GRIP1: variants seen among roughly 807,000 people sequenced by gnomAD.
GRIP1 encodes the protein glutamate receptor interacting protein 1.
Under a neutral mutation model 129.9 loss-of-function variants are expected in GRIP1, and 45 were observed. That is an observed-to-expected ratio of 0.35 (90% confidence interval 0.27 to 0.44). The LOEUF (loss-of-function observed/expected upper bound fraction) is 0.44, where lower values mean the gene tolerates loss of function less well. Among genes scored for constraint, GRIP1 ranks in the 20% least tolerant of loss-of-function variants. The pLI is 1.00. For missense variants in GRIP1, 1,196 were observed against 1,396.8 expected (o/e 0.86, Z 2.29); for synonymous variants, 530 against 520.8 (o/e 1.02, Z -0.24).
intron 2 of GRIP1, among the ~76,000 whole-genome samples, chr12:66,590,979 T>C (rs1175268715): frequency 2.6e-5 from 4 of 152,340 alleles, no homozygotes; most frequent in South Asian, 2.1e-4. Context: ...ACCTGCTGAC[T>C]TTTGCTTATT....
At chr12:66,861,783 A>T (rs1411121416) in intron 1 of GRIP1, among the ~76,000 whole-genome samples, 1 of 152,184 alleles carries the variant, frequency 6.6e-6, no homozygotes, top group Non-Finnish European at 1.5e-5. Flanking sequence ...TTCTGAAAAC[A>T]GGCTCCTCTT....
intron 1 of GRIP1, among the ~76,000 whole-genome samples, chr12:66,716,936 A>G (rs1254964509): frequency 6.6e-6 from 1 of 152,066 alleles, no homozygotes; most frequent in East Asian, 1.9e-4. Flanking sequence ...TCCACTCTTC[A>G]TCCTTCTCAT....
chr12:66,804,622 G>A (rs753370267), upstream of GRIP1, among the ~76,000 whole-genome samples: 11 of 152,192 alleles, frequency 7.2e-5, no homozygotes, highest in South Asian at 2.1e-4. Context: ...TCATCGGGGC[G>A]GGGGTATAGG....
intron 24 of GRIP1, among the ~76,000 whole-genome samples, chr12:66,352,310 A>G (rs2054268315): frequency 6.6e-6 from 1 of 152,182 alleles, no homozygotes; most frequent in Non-Finnish European, 1.5e-5. Flanking sequence ...CCTGAAGTAG[A>G]GGAAGGAGCA....
chr12:66,694,741 A>G (rs143475309), intron 1 of GRIP1, among the ~76,000 whole-genome samples: 112 of 152,310 alleles, frequency 7.4e-4, no homozygotes, highest in African/African-American at 2.5e-3. Context: ...TAGTACACTG[A>G]CATCCTGGTT....
chr12:66,755,081 A>T (rs996168127), intron 1 of GRIP1, among the ~76,000 whole-genome samples: 8 of 152,222 alleles, frequency 5.3e-5, no homozygotes, highest in African/African-American at 1.2e-4. Context: ...AACAAAAGAA[A>T]GTGGGCCAAA....
chr12:66,614,514 A>G (rs1376248843), intron 1 of GRIP1, among the ~76,000 whole-genome samples: 1 of 151,794 alleles, frequency 6.6e-6, no homozygotes, highest in East Asian at 1.9e-4. Context: ...CCTTCTCACC[A>G]CTTACACTGT....
At chr12:66,723,296 C>T (rs553935874) in intron 1 of GRIP1, among the ~76,000 whole-genome samples, 21 of 22,064 alleles carry the variant, frequency 9.5e-4, no homozygotes, top group South Asian at 1.8e-3. Flanking sequence ...TTCTTTCTTT[C>T]TTTCTTTCTT....
chr12:66,669,723 A>G (rs527894065), intron 1 of GRIP1, among the ~76,000 whole-genome samples: 8 of 152,226 alleles, frequency 5.3e-5, no homozygotes, highest in African/African-American at 1.9e-4. Context: ...TCTGGTGTAA[A>G]TACTCCCACT....
At chr12:66,991,786 A>G (rs2042398612) in intron 1 of GRIP1, among the ~76,000 whole-genome samples, 1 of 152,244 alleles carries the variant, frequency 6.6e-6, no homozygotes, top group African/African-American at 2.4e-5. Flanking sequence ...TTTAATCAAT[A>G]GTAAACTATA....
intron 1 of GRIP1, chr12:66,626,658 G>T (rs1342520314): frequency 6.6e-6 from 1 of 152,482 alleles, no homozygotes; most frequent in Non-Finnish European, 1.5e-5. Context: ...CTTATGTTCT[G>T]TTCCCATCCC....
chr12:66,820,281 G>A (rs1566038487), intron 1 of GRIP1, among the ~76,000 whole-genome samples: 1 of 152,128 alleles, frequency 6.6e-6, no homozygotes, highest in African/African-American at 2.4e-5. Flanking sequence ...TTAGAGAAAT[G>A]CAAATTAAAA....
intron 7 of GRIP1, among the ~76,000 whole-genome samples, chr12:66,470,217 AG>A (rs2059399422): frequency 6.6e-6 from 1 of 152,186 alleles, no homozygotes; most frequent in Non-Finnish European, 1.5e-5. Flanking sequence ...CTGGTAATGG[AG>A]TACAGGTTCT....
intron 1 of GRIP1, among the ~76,000 whole-genome samples, chr12:66,856,392 A>G (rs1287291760): frequency 2.6e-5 from 4 of 152,182 alleles, no homozygotes; most frequent in Non-Finnish European, 4.4e-5. Flanking sequence ...TAAACTAAAG[A>G]GCTTCTGCAC....
At chr12:66,642,996 G>A (rs923453617) in intron 1 of GRIP1, among the ~76,000 whole-genome samples, 12 of 152,032 alleles carry the variant, frequency 7.9e-5, no homozygotes, top group Non-Finnish European at 1.6e-4. Flanking sequence ...ATTTAAATAC[G>A]CAAAACAAAG....
chr12:66,395,160 G>A (rs2056742153), intron 16 of GRIP1, among the ~76,000 whole-genome samples: 1 of 152,202 alleles, frequency 6.6e-6, no homozygotes, highest in Admixed American at 6.5e-5. Flanking sequence ...AAGATATCAT[G>A]GGCCGCCTTC....
intron 23 of GRIP1, among the ~76,000 whole-genome samples, chr12:66,358,100 G>A (rs2054578653): frequency 6.6e-6 from 1 of 152,188 alleles, no homozygotes. Flanking sequence ...TGCCACATTG[G>A]CCAGGCTGGT....
chr12:66,404,082 A>G (rs1592778243), intron 16 of GRIP1, among the ~76,000 whole-genome samples: 1 of 152,226 alleles, frequency 6.6e-6, no homozygotes, highest in Non-Finnish European at 1.5e-5. Flanking sequence ...TTTGAAATCA[A>G]TCCCCAAAAG....
intron 4 of GRIP1, among the ~76,000 whole-genome samples, chr12:66,536,457 A>T (rs1043689357): frequency 1.3e-5 from 2 of 152,092 alleles, no homozygotes; most frequent in African/African-American, 4.8e-5. Flanking sequence ...GTCCTCCTTA[A>T]TGTTTCTATA....
Sources: gnomAD v4.1 joint callset for allele counts (sites outside exome capture counted in the v4.1 genomes callset) on GRCh38, gnomAD v4.1.1 for gene constraint, MANE v1.5 for transcripts, NCBI Gene and HGNC (gene_info 2026-07-23, HGNC 2026-07-21) for gene names.